Variants in NAV3 observed in about 807,000 individuals in gnomAD.
The protein encoded by NAV3 is neuron navigator 3.
A neutral mutation model predicts 244.7 loss-of-function variants in NAV3; 87 were observed. That is an observed-to-expected ratio of 0.36 (90% CI 0.30 to 0.42). The LOEUF is 0.42. Ranked by LOEUF, NAV3 falls within the 20% of genes least tolerant of loss-of-function variation. The pLI is 1.00. For synonymous variants in NAV3, 1,126 were observed against 1,042.2 expected (o/e 1.08, Z -1.55); for missense variants, 2,663 against 2,893.3 (o/e 0.92, Z 1.83).
Position 77,863,036 on chromosome 12 carries a change from T to C in NAV3, c.243+31332T>C, listed in dbSNP as rs1879478898. Among the ~76,000 whole-genome samples, 7 of 152,010 alleles carry C rather than the reference T, an allele frequency of 4.6e-5. No individual in the cohort carries two copies. The South Asian group carries it at 1.5e-3, about 31-fold the overall frequency. On this transcript the variant is annotated intron_variant, in intron 1 of 39. Transcript: ENST00000397909. ...CTTCTTGGTTAATAAAAACTTTTTG[T>C]CCATGACTTGATGAACTGTATGCAT...
At chr12:77,693,137 T>A (rs1427619084) in intron 2 of NAV3, among the ~76,000 whole-genome samples, 1 of 152,184 alleles carries the variant, frequency 6.6e-6, no homozygotes, top group South Asian at 2.1e-4. Context: ...TGCAGAATCC[T>A]GACTTCTGCA....
At chr12:78,100,318 G>A (rs1054230481) in intron 12 of NAV3, among the ~76,000 whole-genome samples, 23 of 151,858 alleles carry the variant, frequency 1.5e-4, no homozygotes, top group African/African-American at 5.6e-4. Flanking sequence ...AACAGAAGAT[G>A]AGCTTAAAAT....
chr12:77,606,907 T>A (rs1365073048), intron 2 of NAV3, among the ~76,000 whole-genome samples: 4 of 152,106 alleles, frequency 2.6e-5, no homozygotes, highest in Admixed American at 2.6e-4. Context: ...TTCTTGAACA[T>A]TAGTGGTCAA....
rs140242455 is a variant in NAV3 at position 78,157,831 on chromosome 12, G to A, written c.4786-1372G>A. Among the ~76,000 whole-genome samples the A allele has an allele frequency of 2.6e-5, 4 of 151,432 alleles. No individual in the cohort carries two copies. The East Asian group carries it at 7.8e-4, about 30-fold the overall frequency. The stretch of plus-strand genomic sequence containing the variant: ...GGGGGAGGAGAAAAAGAAGGAAGAG[G>A]GAAGGAATGGAAAAAGATAATAAAG... On this transcript the variant is annotated intron_variant, in intron 22 of 39. Transcript: ENST00000397909.
intron 38 of NAV3, among the ~76,000 whole-genome samples, chr12:78,204,572 A>T (rs1960084247): frequency 1.3e-5 from 2 of 152,130 alleles, no homozygotes; most frequent in African/African-American, 2.4e-5. Flanking sequence ...CATATTTTTT[A>T]AAATCTTCCA....
intron 1 of NAV3, among the ~76,000 whole-genome samples, chr12:77,866,124 A>C (rs903706431): frequency 5.3e-5 from 8 of 152,194 alleles, no homozygotes; most frequent in African/African-American, 1.7e-4. Context: ...TACAAAAAGC[A>C]AAAATCCCAA....
At chr12:77,779,536 T>A (rs1193867436) in intron 2 of NAV3, among the ~76,000 whole-genome samples, 3 of 152,244 alleles carry the variant, frequency 2.0e-5, no homozygotes, top group African/African-American at 7.2e-5. Context: ...CACATGGGGC[T>A]ATGCATCATA....
At chr12:77,968,778 A>G (rs1892736808) in intron 5 of NAV3, 76 bp downstream of exon 5, 1 of 1,427,268 alleles carries the variant, frequency 7.0e-7, no homozygotes. Context: ...ATTATTGTCC[A>G]TGAGTTTGAA....
intron 1 of NAV3, among the ~76,000 whole-genome samples, chr12:77,924,076 A>G (rs973643788): frequency 1.3e-5 from 2 of 152,122 alleles, no homozygotes; most frequent in Non-Finnish European, 2.9e-5. Context: ...CTGAATTTCA[A>G]TGGCTCTGTA....
rs997525520 is a variant in NAV3 at position 78,210,578 on chromosome 12, A to G, written c.*61A>G. ...TAAAAAAATGTTTCAAAAGAAAGGT[A>G]TTTTCACTAAACCACTGCCAGTATA... On this transcript the variant is annotated 3_prime_UTR_variant, in exon 40 of 40. Transcript: ENST00000397909. 12 of 1,583,648 alleles carry G rather than the reference A, an allele frequency of 7.6e-6. No individual in the cohort carries two copies. In the Admixed American group the frequency reaches 1.3e-4, roughly 17 times the overall value.
intron 20 of NAV3, among the ~76,000 whole-genome samples, chr12:78,140,823 G>T (rs2049593): frequency 1.5e-5 from 1 of 67,584 alleles, no homozygotes; most frequent in Admixed American, 1.9e-4. Flanking sequence ...AACCAGAGAT[G>T]TTTTTTTTTA....
chr12:78,044,805 G>A (rs1216110747), intron 9 of NAV3, among the ~76,000 whole-genome samples: 5 of 152,130 alleles, frequency 3.3e-5, no homozygotes, highest in African/African-American at 1.2e-4. Context: ...TGCTAAATTC[G>A]CTTATCAGCT....
chr12:78,081,913 C>T (rs113259232), intron 12 of NAV3, among the ~76,000 whole-genome samples: 44 of 152,302 alleles, frequency 2.9e-4, no homozygotes, highest in Non-Finnish European at 5.6e-4. Context: ...CCTGGATGTT[C>T]TTTCATTGAT....
intron 2 of NAV3, among the ~76,000 whole-genome samples, chr12:77,669,742 C>G (rs1476695749): frequency 1.3e-5 from 2 of 151,938 alleles, no homozygotes; most frequent in African/African-American, 4.8e-5. Context: ...AAATGGCAAA[C>G]AATAATAGTA....
chr12:78,073,214 G>C (rs1221115069), intron 12 of NAV3, among the ~76,000 whole-genome samples: 5 of 134,384 alleles, frequency 3.7e-5, no homozygotes, highest in Admixed American at 2.3e-4. Context: ...AGGAAATAAA[G>C]GGTATTCAAT....
At chr12:78,124,857 G>A (rs191464744) in intron 16 of NAV3, among the ~76,000 whole-genome samples, 7 of 151,836 alleles carry the variant, frequency 4.6e-5, no homozygotes, top group Admixed American at 4.6e-4. Flanking sequence ...AATATGTTTT[G>A]CCTTTGAGCC....
intron 18 of NAV3, among the ~76,000 whole-genome samples, chr12:78,134,452 A>T (rs2138966475): frequency 6.6e-6 from 1 of 152,330 alleles, no homozygotes; most frequent in Middle Eastern, 3.4e-3. Context: ...TATTGTTCCT[A>T]GTTATATATA....
At chr12:77,973,074 GATAC>G (rs1445146582) in intron 5 of NAV3, among the ~76,000 whole-genome samples, 2 of 151,982 alleles carry the variant, frequency 1.3e-5, no homozygotes. Flanking sequence ...ACATGTAAAA[GATAC>G]ATTTTTTTAT....
At chr12:77,791,813 A>G (rs1198581688) in intron 2 of NAV3, among the ~76,000 whole-genome samples, 6 of 152,234 alleles carry the variant, frequency 3.9e-5, no homozygotes, top group Non-Finnish European at 8.8e-5. Flanking sequence ...TCATTCCCCA[A>G]ACAATACAAT....
Sources: gnomAD v4.1 joint callset for allele counts (sites outside exome capture counted in the v4.1 genomes callset) on GRCh38, gnomAD v4.1.1 for gene constraint, MANE v1.5 for transcripts, NCBI Gene and HGNC (gene_info 2026-07-23, HGNC 2026-07-21) for gene names.